Variants in SCYL2 observed in about 807,000 individuals in gnomAD.
SCYL2 encodes the protein SCY1 like pseudokinase 2.
Under a neutral mutation model 100.4 loss-of-function variants are expected in SCYL2, and 36 were observed. That is an observed-to-expected ratio of 0.36 (90% confidence interval 0.27 to 0.47). The LOEUF (loss-of-function observed/expected upper bound fraction) is 0.47, where lower values mean the gene tolerates loss of function less well. Ranked by LOEUF, SCYL2 falls within the 20% of genes least tolerant of loss-of-function variation. The probability of loss-of-function intolerance (pLI) is 1.00; values close to 1 mark genes in which losing one functional copy is unlikely to be tolerated. For synonymous variants in SCYL2, 330 were observed against 359.2 expected, an observed-to-expected ratio of 0.92 and a Z score of 0.92; for missense variants, 902 against 1,083.9, an observed-to-expected ratio of 0.83 and a Z score of 2.36.
At chr12:100,275,288 A>G (rs1361498439) in intron 1 of SCYL2, among the ~76,000 whole-genome samples, 2 of 151,898 alleles carry the variant, frequency 1.3e-5, no homozygotes, top group Admixed American at 6.6e-5. Flanking sequence ...TGCGTCCTCA[A>G]CCTCCCAGGT....
At chr12:100,283,680 A>G (rs1246767015) in intron 2 of SCYL2, among the ~76,000 whole-genome samples, 2 of 152,212 alleles carry the variant, frequency 1.3e-5, no homozygotes, top group African/African-American at 4.8e-5. Flanking sequence ...AGGATTTCTT[A>G]TATATACCTC....
intron 17 of SCYL2, 53 bp downstream of exon 17, chr12:100,337,559 A>C: frequency 6.5e-7 from 1 of 1,527,854 alleles, no homozygotes; most frequent in South Asian, 1.1e-5. Flanking sequence ...TTAAGGAGTA[A>C]GGTGGTATAG....
At chr12:100,294,312 A>G (rs1592940036) in intron 3 of SCYL2, among the ~76,000 whole-genome samples, 1 of 104,572 alleles carries the variant, frequency 9.6e-6, no homozygotes, top group Non-Finnish European at 2.0e-5. Context: ...GGGGCTCCTC[A>G]CTTCCCAGTA....
intron 12 of SCYL2, 152 bp from the exon 13 acceptor site, chr12:100,329,049 T>G: frequency 1.9e-6 from 1 of 525,430 alleles, no homozygotes; most frequent in East Asian, 2.9e-5. Flanking sequence ...TCATTCTGAT[T>G]CATATGTAAG....
intron 10 of SCYL2, among the ~76,000 whole-genome samples, chr12:100,320,031 A>G (rs1234294567): frequency 6.6e-6 from 1 of 152,208 alleles, no homozygotes; most frequent in Non-Finnish European, 1.5e-5. Context: ...ATTCTTAAAA[A>G]GAGGCATTAT....
chr12:100,318,413 C>G (rs905436729), intron 10 of SCYL2, among the ~76,000 whole-genome samples: 1 of 151,360 alleles, frequency 6.6e-6, no homozygotes, highest in Non-Finnish European at 1.5e-5. Flanking sequence ...TCACTGCAAC[C>G]TCCGCCTCCT....
chr12:100,282,945 A>G lies in SCYL2; in HGVS notation c.-26A>G. On this transcript the variant is annotated splice_region_variant and 5_prime_UTR_variant, in exon 2 of 18. Coordinates refer to ENST00000360820, the MANE Select transcript of SCYL2 (RefSeq NM_017988.6). Reference sequence around the variant, plus strand: ...CCACTATCCTTCTGTTTTTCTAGGTAACTATAACTACCCAATATTGCAGCC... The same window carrying G: ...CCACTATCCTTCTGTTTTTCTAGGTGACTATAACTACCCAATATTGCAGCC... The G allele has an allele frequency of 6.7e-7, 1 of 1,493,022 alleles. No homozygotes were observed. Among genetic ancestry groups the G allele is most frequent in the Non-Finnish European group, 9.1e-7 (1 of 1,096,930 alleles). The allele number at this position is 1,493,022 out of a possible 1,614,324, so 92.5% of individuals were successfully genotyped here.
chr12:100,281,758 C>T (rs538562645), intron 1 of SCYL2, among the ~76,000 whole-genome samples: 2 of 149,860 alleles, frequency 1.3e-5, no homozygotes, highest in Non-Finnish European at 3.0e-5. Context: ...GGCGTGAACC[C>T]GGGAGGCGGA....
intron 9 of SCYL2, 51 bp from the exon 10 acceptor site, chr12:100,317,752 A>G (rs1176370712): frequency 3.9e-6 from 6 of 1,539,462 alleles, no homozygotes; most frequent in Non-Finnish European, 4.3e-6. Context: ...GCATATATTG[A>G]ATCTTTTAAA....
intron 10 of SCYL2, among the ~76,000 whole-genome samples, chr12:100,320,526 C>T (rs534185091): frequency 8.7e-5 from 13 of 150,178 alleles, no homozygotes; most frequent in African/African-American, 2.5e-4. Context: ...CCAGCCTGGG[C>T]GACAGAGTGA....
chr12:100,324,079 A>G (rs1005626533), intron 11 of SCYL2, among the ~76,000 whole-genome samples: 5 of 152,154 alleles, frequency 3.3e-5, no homozygotes, highest in Admixed American at 1.3e-4. Flanking sequence ...AAAGTAGAGT[A>G]CAAGAAAGCA....
chr12:100,337,562 T>C, intron 17 of SCYL2, 56 bp downstream of exon 17: 1 of 1,523,380 alleles, frequency 6.6e-7, no homozygotes, highest in South Asian at 1.1e-5. Flanking sequence ...AGGAGTAAGG[T>C]GGTATAGAAC....
At chr12:100,329,675 C>A (rs1261222578) in intron 13 of SCYL2, among the ~76,000 whole-genome samples, 1 of 152,168 alleles carries the variant, frequency 6.6e-6, no homozygotes, top group Non-Finnish European at 1.5e-5. Context: ...AAGCAACACA[C>A]ATTTATTATC....
At chr12:100,322,240 G>T (rs1242741892) in intron 10 of SCYL2, among the ~76,000 whole-genome samples, 1 of 149,468 alleles carries the variant, frequency 6.7e-6, no homozygotes, top group Non-Finnish European at 1.5e-5. Flanking sequence ...GGGCGTGGTG[G>T]CGGGCGCCTG....
At chr12:100,289,542 A>G (rs2096308175) in intron 2 of SCYL2, among the ~76,000 whole-genome samples, 1 of 152,192 alleles carries the variant, frequency 6.6e-6, no homozygotes. Context: ...TGTTATTTCT[A>G]TTATATAAAT....
intron 13 of SCYL2, 96 bp downstream of exon 13, chr12:100,329,415 A>G (rs1592968648): frequency 8.2e-6 from 5 of 613,048 alleles, no homozygotes; most frequent in East Asian, 7.9e-5. Flanking sequence ...TAAAAAAAAA[A>G]GGGTGAGGGG....
chr12:100,273,655 T>C (rs1287105251), intron 1 of SCYL2, among the ~76,000 whole-genome samples: 2 of 152,232 alleles, frequency 1.3e-5, no homozygotes, highest in Non-Finnish European at 2.9e-5. Context: ...TATGTAACTG[T>C]AGTTTGCAGA....
intron 4 of SCYL2, 147 bp downstream of exon 4, chr12:100,298,322 T>G (rs771150609): frequency 1.9e-5 from 11 of 568,708 alleles, no homozygotes; most frequent in Non-Finnish European, 2.9e-5. Flanking sequence ...GTTCTGGAAA[T>G]TTTTTCTGCA....
At chr12:100,284,232 T>C (rs1408030173) in intron 2 of SCYL2, among the ~76,000 whole-genome samples, 1 of 152,230 alleles carries the variant, frequency 6.6e-6, no homozygotes, top group Non-Finnish European at 1.5e-5. Flanking sequence ...ATATCAGTAG[T>C]TCATATGCTG....
Sources: gnomAD v4.1 joint callset for allele counts (sites outside exome capture counted in the v4.1 genomes callset) on GRCh38, gnomAD v4.1.1 for gene constraint, MANE v1.5 for transcripts, NCBI Gene and HGNC (gene_info 2026-07-23, HGNC 2026-07-21) for gene names.